The following LRGUK variants were observed in gnomAD, a reference collection of about 807,000 sequenced individuals.
LRGUK encodes the protein leucine-rich repeat and guanylate kinase domain-containing protein.
A neutral mutation model predicts 76.0 loss-of-function variants in LRGUK; 65 were observed. The observed-to-expected ratio is 0.85, with a 90% CI of 0.70 to 1.05. The LOEUF is 1.05. Ranked by LOEUF, LRGUK falls within the 50% of genes least tolerant of loss-of-function variation. The pLI is 0.00. For missense variants in LRGUK, 758 were observed against 732.8 expected (o/e 1.03, Z -0.40); for synonymous variants, 268 against 265.6 (o/e 1.01, Z -0.09).
intron 12 of LRGUK, among the ~76,000 whole-genome samples, chr7:134,195,788 CA>C (rs1800453185): frequency 6.6e-6 from 1 of 152,020 alleles, no homozygotes; most frequent in Non-Finnish European, 1.5e-5. Context: ...GAAAGTATGA[CA>C]TTGAAGGAGT....
intron 16 of LRGUK, among the ~76,000 whole-genome samples, chr7:134,236,790 G>C (rs1405727437): frequency 6.6e-6 from 1 of 152,102 alleles, no homozygotes; most frequent in Non-Finnish European, 1.5e-5. Context: ...CCTTTCAGTG[G>C]CTGGAAGATT....
intron 13 of LRGUK, among the ~76,000 whole-genome samples, chr7:134,197,561 A>G (rs1800556958): frequency 6.6e-6 from 1 of 152,210 alleles, no homozygotes; most frequent in South Asian, 2.1e-4. Context: ...CCTCAGGACA[A>G]TGGCAGCCCC....
At chr7:134,211,271 C>T (rs145928118), downstream of LRGUK, among the ~76,000 whole-genome samples, 71 of 152,360 alleles carry the variant, frequency 4.7e-4, no homozygotes, top group African/African-American at 1.7e-3. Context: ...CTGGTGTCAG[C>T]AAGTAGCCTT....
intron 18 of LRGUK, among the ~76,000 whole-genome samples, chr7:134,252,514 A>T (rs914535448): frequency 6.6e-6 from 1 of 152,176 alleles, no homozygotes; most frequent in Non-Finnish European, 1.5e-5. Flanking sequence ...CTGCCACTTG[A>T]TAACAAGTAA....
exon 14 of LRGUK, chr7:134,199,416 A>C (rs200411120): frequency 7.9e-5 from 128 of 1,610,374 alleles, no homozygotes; most frequent in Non-Finnish European, 1.1e-4. Context: ...GAGGTAATCA[A>C]TGCAGGTTGG....
chr7:134,226,218 ATGTGTGTGTGTG>A (rs57035440), intron 16 of LRGUK, among the ~76,000 whole-genome samples: 50,948 of 141,692 alleles, frequency 0.36, 10,558 homozygotes, highest in Admixed American at 0.47. Flanking sequence ...CCCATCTCCA[ATGTGTGTGTGTG>A]TGTGTGTGTG....
At chr7:134,183,761 T>C in exon 11 of LRGUK, 1 of 1,614,000 alleles carries the variant, frequency 6.2e-7, no homozygotes, top group Non-Finnish European at 8.5e-7. Context: ...ATGCCCCTTA[T>C]CCCATGCTGA....
At chr7:134,129,035 A>G (rs1797157347) in intron 1 of LRGUK, among the ~76,000 whole-genome samples, 1 of 147,454 alleles carries the variant, frequency 6.8e-6, no homozygotes, top group Non-Finnish European at 1.5e-5. Context: ...ATAGAGAAGT[A>G]GAATATTTTC....
At chr7:134,204,801 C>A (rs1201238521) in intron 15 of LRGUK, among the ~76,000 whole-genome samples, 1 of 152,116 alleles carries the variant, frequency 6.6e-6, no homozygotes, top group African/African-American at 2.4e-5. Flanking sequence ...AGTCTCAGGG[C>A]TGTGAAGAAG....
chr7:134,127,580 G>A, exon 1 of LRGUK: 1 of 1,614,206 alleles, frequency 6.2e-7, no homozygotes, highest in Non-Finnish European at 8.5e-7. Flanking sequence ...GCTATCAGGA[G>A]CTGGACTCGG....
chr7:134,223,701 C>T (rs17167646), intron 16 of LRGUK, among the ~76,000 whole-genome samples: 7,841 of 152,272 alleles, frequency 0.051, 435 homozygotes, highest in East Asian at 0.15. Flanking sequence ...AGATGCTTTT[C>T]ATCTAAGGCA....
intron 15 of LRGUK, among the ~76,000 whole-genome samples, chr7:134,203,380 A>G (rs1193688900): frequency 1.7e-4 from 26 of 152,082 alleles, no homozygotes; most frequent in Admixed American, 1.5e-3. Flanking sequence ...AGCGGTTGTG[A>G]CTTTTTGCCC....
At chr7:134,231,199 G>A (rs1421615404) in intron 16 of LRGUK, among the ~76,000 whole-genome samples, 2 of 152,134 alleles carry the variant, frequency 1.3e-5, no homozygotes, top group African/African-American at 4.8e-5. Flanking sequence ...CCCACATTAG[G>A]GGGAGACCCA....
chr7:134,266,401 A>C (rs1075030), downstream of LRGUK, among the ~76,000 whole-genome samples: 17,377 of 152,242 alleles, frequency 0.11, 2,634 homozygotes, highest in African/African-American at 0.35. Flanking sequence ...ACAAATGAAG[A>C]GATAGATAAT....
intron 7 of LRGUK, among the ~76,000 whole-genome samples, chr7:134,173,304 C>T (rs924035102): frequency 1.3e-5 from 2 of 152,108 alleles, no homozygotes; most frequent in Non-Finnish European, 2.9e-5. Context: ...ATATGTTTGT[C>T]CTCTGACTTG....
At chr7:134,257,261 G>T (rs900184874) in intron 18 of LRGUK, among the ~76,000 whole-genome samples, 1 of 152,170 alleles carries the variant, frequency 6.6e-6, no homozygotes, top group Non-Finnish European at 1.5e-5. Context: ...AGCCATTTTC[G>T]TGTGATCAAT....
At chr7:134,197,351 C>T (rs993094024) in intron 13 of LRGUK, among the ~76,000 whole-genome samples, 1 of 152,126 alleles carries the variant, frequency 6.6e-6, no homozygotes, top group African/African-American at 2.4e-5. Context: ...GGGGGCAAGA[C>T]ACATGAAACA....
chr7:134,152,142 A>C (rs1798246397), intron 5 of LRGUK, among the ~76,000 whole-genome samples: 1 of 152,080 alleles, frequency 6.6e-6, no homozygotes, highest in Non-Finnish European at 1.5e-5. Context: ...GAATATTAAA[A>C]ATTTGCTATA....
chr7:134,178,596 A>C (rs1249724342), exon 10 of LRGUK: 2 of 1,612,276 alleles, frequency 1.2e-6, no homozygotes, highest in South Asian at 2.2e-5. Flanking sequence ...GCAGCCGCAG[A>C]GGATCTTTGA....
Sources: gnomAD v4.1 joint callset for allele counts (sites outside exome capture counted in the v4.1 genomes callset) on GRCh38, gnomAD v4.1.1 for gene constraint, MANE v1.5 for transcripts, NCBI Gene and HGNC (gene_info 2026-07-23, HGNC 2026-07-21) for gene names.